PHTF2: variants seen among roughly 807,000 people sequenced by gnomAD.
The protein encoded by PHTF2 is protein PHTF2.
In PHTF2, 60 loss-of-function variants were observed where a neutral mutation model predicts 101.2. The observed-to-expected ratio is 0.59, with a 90% CI of 0.48 to 0.73. The LOEUF is 0.73. Among genes scored for constraint, PHTF2 ranks in the 30% least tolerant of loss-of-function variants. PHTF2 has a pLI of 0.00. For synonymous variants in PHTF2, 311 were observed against 307.3 expected (o/e 1.01, Z -0.13); for missense variants, 747 against 908.7 (o/e 0.82, Z 2.29).
In PHTF2 at chr7:77,920,356, C is replaced by A. The variant is rs201907528; in HGVS notation, c.854C>A (p.Thr285Asn). 68 of 1,609,542 alleles carry A rather than the reference C, an allele frequency of 4.2e-5. No homozygotes were observed. The Middle Eastern group carries it at 1.2e-3, about 27-fold the overall frequency. The change falls in exon 10 of 20, where the codon ACT becomes AAT. Residue 285 changes from threonine to asparagine, a missense_variant. Coordinates refer to ENST00000416283, the Ensembl canonical transcript of PHTF2. ...TATGTATCCCTTGATGGGAAGAAGA[C>A]TGTTAAAAGCGGTGAAGATGGAATA...
At chr7:77,905,113 A>C (rs1330792739) in intron 7 of PHTF2, among the ~76,000 whole-genome samples, 1 of 152,234 alleles carries the variant, frequency 6.6e-6, no homozygotes, top group Non-Finnish European at 1.5e-5. Flanking sequence ...CCCCTGGTCT[A>C]AACCAAGGGA....
intron 7 of PHTF2, chr7:77,907,827 T>C (rs991939538): frequency 3.3e-5 from 5 of 152,198 alleles, no homozygotes; most frequent in Non-Finnish European, 7.3e-5. Context: ...TGACCAAAAA[T>C]CTTATAATAT....
At chr7:77,921,332 T>C (rs1803440126) in intron 10 of PHTF2, among the ~76,000 whole-genome samples, 1 of 152,256 alleles carries the variant, frequency 6.6e-6, no homozygotes, top group Non-Finnish European at 1.5e-5. Context: ...TAATGTGATG[T>C]CTTCTATTTC....
At chr7:77,818,469 C>T (rs943809504) in intron 1 of PHTF2, among the ~76,000 whole-genome samples, 4 of 152,268 alleles carry the variant, frequency 2.6e-5, no homozygotes, top group Middle Eastern at 3.4e-3. Context: ...TTTCATTCTT[C>T]TGCATATCCA....
At chr7:77,919,307 T>A (rs180744466) in intron 9 of PHTF2, among the ~76,000 whole-genome samples, 3 of 152,316 alleles carry the variant, frequency 2.0e-5, no homozygotes, top group African/African-American at 4.8e-5. Flanking sequence ...TGTGCATTTT[T>A]AAAAAACTTT....
intron 7 of PHTF2, among the ~76,000 whole-genome samples, chr7:77,904,926 A>C (rs900042059): frequency 3.3e-5 from 5 of 152,236 alleles, no homozygotes; most frequent in Admixed American, 1.3e-4. Flanking sequence ...GGCCACATGC[A>C]GCCCAGGATG....
intron 2 of PHTF2, among the ~76,000 whole-genome samples, chr7:77,842,628 A>T (rs1213847227): frequency 1.3e-5 from 2 of 152,128 alleles, no homozygotes; most frequent in African/African-American, 4.8e-5. Flanking sequence ...CCCCAGAGGC[A>T]ATCATTTTAA....
exon 8 of PHTF2, chr7:77,908,882 C>T (rs770461087): frequency 6.2e-7 from 1 of 1,613,394 alleles, no homozygotes; most frequent in Admixed American, 1.7e-5. Flanking sequence ...GATGCTGCTC[C>T]TGGGAACTGT....
chr7:77,808,697 A>G (rs1177410579), intron 1 of PHTF2, among the ~76,000 whole-genome samples: 1 of 152,184 alleles, frequency 6.6e-6, no homozygotes, highest in Non-Finnish European at 1.5e-5. Context: ...TAGTAATTCT[A>G]GCCACCTTGG....
At chr7:77,827,129 G>A (rs534518995) in intron 1 of PHTF2, among the ~76,000 whole-genome samples, 4 of 152,272 alleles carry the variant, frequency 2.6e-5, no homozygotes, top group Non-Finnish European at 5.9e-5. Context: ...AGTTGAACAT[G>A]TAGATAAAAG....
intron 6 of PHTF2, among the ~76,000 whole-genome samples, chr7:77,901,321 G>A (rs2150831313): frequency 6.6e-6 from 1 of 152,268 alleles, no homozygotes; most frequent in East Asian, 1.9e-4. Flanking sequence ...GACAAGAATA[G>A]TATTAAAAAG....
At chr7:77,882,886 A>C (rs932925749) in intron 3 of PHTF2, among the ~76,000 whole-genome samples, 5 of 152,166 alleles carry the variant, frequency 3.3e-5, no homozygotes, top group Admixed American at 6.5e-5. Context: ...TCATCATTAA[A>C]GTCACCTGAG....
rs117330270 is a variant in PHTF2 at position 77,900,201 on chromosome 7, C to T, written c.217-510C>T. Among the ~76,000 whole-genome samples, 867 of 152,284 alleles carry T rather than the reference C, an allele frequency of 5.7e-3. 5 individuals are homozygous for T. Among genetic ancestry groups the T allele is most frequent in the Middle Eastern group, 0.034 (10 of 294 alleles). On this transcript the variant is annotated intron_variant, in intron 5 of 19. Transcript: ENST00000416283. Reference sequence around the variant, plus strand: ...GACATGTGAACATAATGGCAACCATCATCCTTGAGTAGTGCATTGTCCTCC... The same window carrying T: ...GACATGTGAACATAATGGCAACCATTATCCTTGAGTAGTGCATTGTCCTCC...
chr7:77,912,426 A>G (rs183464626), intron 9 of PHTF2, among the ~76,000 whole-genome samples: 65 of 152,312 alleles, frequency 4.3e-4, no homozygotes, highest in Non-Finnish European at 5.7e-4. Flanking sequence ...GGCTTTGTTA[A>G]GACAGGAAGT....
intron 3 of PHTF2, among the ~76,000 whole-genome samples, chr7:77,867,556 T>A (rs1798166446): frequency 6.6e-6 from 1 of 152,230 alleles, no homozygotes; most frequent in Non-Finnish European, 1.5e-5. Context: ...TTATTATTGC[T>A]GTTATTGTAA....
At position 77,814,197 on chromosome 7, in the gene PHTF2, C is replaced by T. The variant is rs145669380; in HGVS notation, c.-36+15226C>T. ...GTTCACAGCTGTGTTAATATAAGGTCGCTGCTAACACTGAATTAGCCAATA... is the reference window on the plus strand; with the variant it reads ...GTTCACAGCTGTGTTAATATAAGGTTGCTGCTAACACTGAATTAGCCAATA... On this transcript the variant is annotated intron_variant, in intron 1 of 19. Coordinates refer to ENST00000416283, the Ensembl canonical transcript of PHTF2. Among the ~76,000 whole-genome samples the T allele has an allele frequency of 8.3e-3, 1,256 of 152,184 alleles. 10 individuals are homozygous for T. Among genetic ancestry groups the T allele is most frequent in the Non-Finnish European group, 0.013 (883 of 68,014 alleles).
intron 16 of PHTF2, among the ~76,000 whole-genome samples, chr7:77,943,951 G>A (rs921080935): frequency 5.9e-5 from 9 of 152,160 alleles, no homozygotes; most frequent in South Asian, 2.1e-4. Flanking sequence ...CCAGAAGGCG[G>A]AGATTGCACC....
rs1234767781 is a variant in PHTF2, at chr7:77,943,386, C to T, written c.1959+600C>T. ...TCGTGATCTGCCCGCCTCGGCCTCC[C>T]AAAGTGCTGGGATTACAGGCGTGAG... is the stretch of plus-strand genomic sequence containing the variant. On this transcript the variant is annotated intron_variant, in intron 16 of 19. Coordinates refer to ENST00000416283, the Ensembl canonical transcript of PHTF2. 3.9e-5 allele frequency among the ~76,000 whole-genome samples: 6 copies of T among 152,296 alleles called. No homozygotes were observed. The South Asian group carries it at 1.2e-3, about 32-fold the overall frequency.
chr7:77,846,576 C>T (rs1219932771), intron 2 of PHTF2, among the ~76,000 whole-genome samples: 1 of 94,190 alleles, frequency 1.1e-5, no homozygotes, highest in South Asian at 5.3e-4. Context: ...CGCCTCCCCT[C>T]GCCTCCCCTC....
Sources: gnomAD v4.1 joint callset for allele counts (sites outside exome capture counted in the v4.1 genomes callset) on GRCh38, gnomAD v4.1.1 for gene constraint, MANE v1.5 for transcripts, NCBI Gene and HGNC (gene_info 2026-07-23, HGNC 2026-07-21) for gene names.